EDN1: variants seen among roughly 807,000 people sequenced by gnomAD.
The protein encoded by EDN1 is endothelin-1.
EDN1 carries 11 observed loss-of-function variants against 21.7 expected under a neutral mutation model. The observed-to-expected ratio is 0.51, with a 90% CI of 0.32 to 0.84. The LOEUF (loss-of-function observed/expected upper bound fraction) is 0.84, where lower values mean the gene tolerates loss of function less well. Ranked by LOEUF, EDN1 falls within the 40% of genes least tolerant of loss-of-function variation. The probability of loss-of-function intolerance (pLI) is 0.03; values close to 1 mark genes in which losing one functional copy is unlikely to be tolerated. For missense variants in EDN1, 244 were observed against 262.3 expected (o/e 0.93, Z 0.48); for synonymous variants, 85 against 90.6 (o/e 0.94, Z 0.35).
At chr6:12,251,651 A>T in the EDN1 span, among the ~76,000 whole-genome samples, 1 of 152,226 alleles carries the variant, frequency 6.6e-6, no homozygotes, top group Non-Finnish European at 1.5e-5. Flanking sequence ...TTGTAAGACA[A>T]CAAAACTGGC....
chr6:12,272,156 CCT>C, the EDN1 span, among the ~76,000 whole-genome samples: 3 of 152,128 alleles, frequency 2.0e-5, no homozygotes, highest in East Asian at 1.9e-4. Context: ...TTAAGGGAAT[CCT>C]CTCTTTCTTT....
chr6:12,295,045 C>T (rs907913770), intron 4 of EDN1, among the ~76,000 whole-genome samples: 2 of 149,588 alleles, frequency 1.3e-5, no homozygotes, highest in African/African-American at 4.9e-5. Flanking sequence ...GATTAGGCAA[C>T]ATCATAGAGT....
chr6:12,233,970 CT>C, the EDN1 span, among the ~76,000 whole-genome samples: 570 of 152,324 alleles, frequency 3.7e-3, 6 homozygotes, highest in African/African-American at 0.011. Context: ...AAGGCTTCAG[CT>C]TTGCTGAGGC....
At chr6:12,288,773 T>C (rs1762607790), upstream of EDN1, among the ~76,000 whole-genome samples, 1 of 152,174 alleles carries the variant, frequency 6.6e-6, no homozygotes, top group South Asian at 2.1e-4. Context: ...AAAACTGTCC[T>C]TTTGATTTTA....
the EDN1 span, among the ~76,000 whole-genome samples, chr6:12,250,025 A>G: frequency 6.6e-6 from 1 of 152,164 alleles, no homozygotes; most frequent in African/African-American, 2.4e-5. Flanking sequence ...ACATATACAC[A>G]CACGCATATG....
chr6:12,232,800 G>A, the EDN1 span, among the ~76,000 whole-genome samples: 1 of 152,152 alleles, frequency 6.6e-6, no homozygotes, highest in Non-Finnish European at 1.5e-5. Flanking sequence ...ATACCTTTTG[G>A]TTACCTTATA....
the EDN1 span, among the ~76,000 whole-genome samples, chr6:12,269,288 T>C: frequency 0.35 from 53,896 of 151,910 alleles, 10,120 homozygotes; most frequent in Middle Eastern, 0.42. Flanking sequence ...CAGACACAGT[T>C]TGACTTCCTC....
At chr6:12,266,868 GGA>G in the EDN1 span, among the ~76,000 whole-genome samples, 54 of 152,050 alleles carry the variant, frequency 3.6e-4, no homozygotes, top group African/African-American at 1.2e-3. Context: ...AAGGGCAAAG[GGA>G]GAGATGTATA....
the EDN1 span, among the ~76,000 whole-genome samples, chr6:12,240,216 G>A: frequency 1.3e-5 from 2 of 152,184 alleles, no homozygotes; most frequent in Non-Finnish European, 2.9e-5. Flanking sequence ...CAGGAAGGCT[G>A]TGAAAGCTGT....
the EDN1 span, among the ~76,000 whole-genome samples, chr6:12,280,781 TA>T: frequency 3.3e-5 from 5 of 152,276 alleles, no homozygotes; most frequent in African/African-American, 1.2e-4. Context: ...TAATCCCAGC[TA>T]CTCGGGAGGC....
the EDN1 span, among the ~76,000 whole-genome samples, chr6:12,233,769 G>A: frequency 3.9e-5 from 6 of 152,110 alleles, no homozygotes; most frequent in Non-Finnish European, 5.9e-5. Context: ...ATTGCACTAC[G>A]AGAGGAAGTG....
At chr6:12,232,492 C>G in the EDN1 span, among the ~76,000 whole-genome samples, 11 of 151,940 alleles carry the variant, frequency 7.2e-5, no homozygotes, top group Non-Finnish European at 1.3e-4. Context: ...ACAAATGCAG[C>G]GCTCCCCCAA....
Position 12,290,411 on chromosome 6 carries a change from G to T in EDN1, c.-219G>T. 1 of 585,508 alleles carries T rather than the reference G, an allele frequency of 1.7e-6. No homozygotes were observed. Among genetic ancestry groups the T allele is most frequent in the South Asian group, 2.0e-5 (1 of 49,402 alleles). The allele number at this position is 585,508 out of a possible 1,614,324, so 36.3% of individuals were successfully genotyped here. On this transcript the variant is annotated 5_prime_UTR_variant, in exon 1 of 5. Coordinates refer to ENST00000379375, the MANE Select transcript of EDN1 (RefSeq NM_001955.5). The stretch of plus-strand genomic sequence containing the variant: ...GCGAACGGGTCCTGCGCCTCCTGCA[G>T]TCCCAGCTCTCCACCGCCGCGTGCG...
the EDN1 span, among the ~76,000 whole-genome samples, chr6:12,253,687 A>T: frequency 6.6e-6 from 1 of 152,188 alleles, no homozygotes; most frequent in African/African-American, 2.4e-5. Context: ...CAAAAAGAAT[A>T]ACTCATACTA....
the EDN1 span, among the ~76,000 whole-genome samples, chr6:12,234,250 A>G: frequency 6.6e-6 from 1 of 152,202 alleles, no homozygotes; most frequent in East Asian, 1.9e-4. Flanking sequence ...ATGCTCCCTC[A>G]GCTGGTAGTA....
the EDN1 span, among the ~76,000 whole-genome samples, chr6:12,267,827 A>T: frequency 6.6e-6 from 1 of 152,186 alleles, no homozygotes; most frequent in African/African-American, 2.4e-5. Flanking sequence ...TCAAAGCTTC[A>T]AAGGACAGGT....
At chr6:12,276,429 A>G in the EDN1 span, among the ~76,000 whole-genome samples, 1 of 152,200 alleles carries the variant, frequency 6.6e-6, no homozygotes, top group Non-Finnish European at 1.5e-5. Context: ...AAAAGCTGGG[A>G]AAACAAAGAT....
At chr6:12,240,356 C>T in the EDN1 span, among the ~76,000 whole-genome samples, 2 of 152,196 alleles carry the variant, frequency 1.3e-5, no homozygotes, top group African/African-American at 4.8e-5. Context: ...GTCCAGCTGA[C>T]TCTCATGATT....
the EDN1 span, among the ~76,000 whole-genome samples, chr6:12,243,001 C>T: frequency 2.0e-3 from 302 of 152,198 alleles, 1 homozygote; most frequent in African/African-American, 6.5e-3. Flanking sequence ...GATGGGGGCA[C>T]CAACTCTCCT....
Sources: gnomAD v4.1 joint callset for allele counts (sites outside exome capture counted in the v4.1 genomes callset) on GRCh38, gnomAD v4.1.1 for gene constraint, MANE v1.5 for transcripts, NCBI Gene and HGNC (gene_info 2026-07-23, HGNC 2026-07-21) for gene names.